The following SRRM4 variants were observed in gnomAD, a reference collection of about 807,000 sequenced individuals.
SRRM4 encodes serine/arginine repetitive matrix 4, also known as serine/arginine repetitive matrix protein 4.
SRRM4 carries 33 observed loss-of-function variants against 68.9 expected under a neutral mutation model. The observed-to-expected ratio is 0.48, with a 90% confidence interval of 0.36 to 0.64. The LOEUF (loss-of-function observed/expected upper bound fraction) is 0.64, where lower values mean the gene tolerates loss of function less well. SRRM4 is among the 30% of genes least tolerant of loss of function. The pLI is 0.00. For synonymous variants in SRRM4, 318 were observed against 318.8 expected, an observed-to-expected ratio of 1.00 and a Z score of 0.03; for missense variants, 817 against 827.1, an observed-to-expected ratio of 0.99 and a Z score of 0.15.
rs1408465170 is a variant in SRRM4 at position 119,151,074 on chromosome 12, A to G, written c.1134A>G (p.Pro378=). Residue 378 remains proline, a synonymous_variant, in exon 10 of 13, where the codon CCA becomes CCG. Coordinates refer to ENST00000267260, the MANE Select transcript of SRRM4 (RefSeq NM_194286.4). The stretch of plus-strand genomic sequence containing the variant: ...AAGTGAAGAAGTCCAGTTTGGTCCC[A>G]TCCACAGCCCGGAGCTCACCCATGA... ...CAEVKKSSLV[P]STARSSPMKG... is the part of the protein sequence containing the mutation. The G allele has an allele frequency of 6.2e-7, 1 of 1,614,002 alleles. No homozygotes were observed. The highest frequency in any genetic ancestry group is 1.7e-5 in the Admixed American group (1 of 60,028).
chr12:119,130,290 A>AGATG (rs892396592), intron 7 of SRRM4, among the ~76,000 whole-genome samples: 10 of 143,776 alleles, frequency 7.0e-5, no homozygotes, highest in South Asian at 2.4e-4. Context: ...TTGCTTAGAC[A>AGATG]GATGGATGGA....
At chr12:119,144,438 G>A (rs1012991562) in intron 8 of SRRM4, 1 of 152,142 alleles carries the variant, frequency 6.6e-6, no homozygotes, top group African/African-American at 2.4e-5. Flanking sequence ...GTTTGAGGAT[G>A]TGCAGAAAGG....
chr12:119,119,451 G>C (rs561711416), intron 4 of SRRM4, among the ~76,000 whole-genome samples: 1 of 151,360 alleles, frequency 6.6e-6, no homozygotes, highest in South Asian at 2.1e-4. Flanking sequence ...CCAGAGCTTG[G>C]GGGAGTAGAC....
rs1050806395 is a variant in SRRM4 at position 119,159,439 on chromosome 12, C to G, written c.*2641C>G. The G allele has an allele frequency of 6.6e-6, 1 of 152,192 alleles. No homozygotes were observed. The highest frequency in any genetic ancestry group is 1.5e-5 in the Non-Finnish European group (1 of 68,048). 9.4% of individuals were successfully genotyped at this position (152,192 alleles called of 1,614,324 possible). Reference sequence around the variant, plus strand: ...AGGCACCAGATTGGAGACAGATGTGCTATCTCCTAACAGAGTGATGAGGCT... The same window carrying G: ...AGGCACCAGATTGGAGACAGATGTGGTATCTCCTAACAGAGTGATGAGGCT... On this transcript the variant is annotated 3_prime_UTR_variant, in exon 13 of 13. Coordinates refer to ENST00000267260, the MANE Select transcript of SRRM4 (RefSeq NM_194286.4).
At chr12:119,077,351 C>A (rs1351049335) in intron 1 of SRRM4, among the ~76,000 whole-genome samples, 1 of 152,158 alleles carries the variant, frequency 6.6e-6, no homozygotes, top group Non-Finnish European at 1.5e-5. Flanking sequence ...CCATGGGCCA[C>A]ACTGAGAAAT....
rs1328244704 is a variant in SRRM4 at position 119,073,356 on chromosome 12, T to C, written c.132-28880T>C. Among the ~76,000 whole-genome samples, 5 of 146,756 alleles carry C rather than the reference T, an allele frequency of 3.4e-5. No homozygotes were observed. The Admixed American group carries it at 3.6e-4, about 10-fold the overall frequency. ...TTGTTTGTTTGAGAAGGAGTCTCACTCTGTTGCCCAGGCTGGAGTGCAGTG... is the reference window on the plus strand; with the variant it reads ...TTGTTTGTTTGAGAAGGAGTCTCACCCTGTTGCCCAGGCTGGAGTGCAGTG... On this transcript the variant is annotated intron_variant, in intron 1 of 12. Transcript: ENST00000267260.
At chr12:119,111,779 C>T (rs1176387947) in intron 2 of SRRM4, among the ~76,000 whole-genome samples, 1 of 152,236 alleles carries the variant, frequency 6.6e-6, no homozygotes, top group Non-Finnish European at 1.5e-5. Context: ...CACCATGGCT[C>T]ATGCCTGTAA....
chr12:119,162,573 G>T lies in SRRM4; in HGVS notation c.*5775G>T, dbSNP rs1954521745. 1 of 152,198 alleles carries T rather than the reference G, an allele frequency of 6.6e-6. No homozygotes were observed. The highest frequency in any genetic ancestry group is 1.5e-5 in the Non-Finnish European group (1 of 68,052). The allele number at this position is 152,198 out of a possible 1,614,324, so 9.4% of individuals were successfully genotyped here. A position where few individuals can be genotyped will look rare whatever the true frequency, so the allele number is the denominator to read the frequency against. ...AGCTCCCTTGAGCTCAGATCAGCTT[G>T]ACTCAATGTCCAACATTCCCTTGGT... On this transcript the variant is annotated 3_prime_UTR_variant, in exon 13 of 13. Transcript: ENST00000267260.
At chr12:119,083,248 G>A (rs533923093) in intron 1 of SRRM4, among the ~76,000 whole-genome samples, 8 of 151,994 alleles carry the variant, frequency 5.3e-5, no homozygotes, top group Admixed American at 1.3e-4. Context: ...TGGGACCTGC[G>A]ACTCCTTACC....
At position 119,153,556 on chromosome 12, in the gene SRRM4, C is replaced by T; in HGVS notation, c.1298C>T (p.Pro433Leu). 6.4e-7 allele frequency: 1 copy of T among 1,572,678 alleles called. No individual in the cohort carries two copies. Among genetic ancestry groups the T allele is most frequent in the South Asian group, 1.2e-5 (1 of 85,128 alleles). Residue 433 changes from proline (P) to leucine (L), a missense_variant, in exon 11 of 13, where the codon CCC becomes CTC. By Grantham distance (98) the Pro-to-Leu change is moderately conservative. Transcript: ENST00000267260. ...TCCCCCAGGTCCTACTCCCGCTCTC[C>T]CAGCTATTCCTCCAAGTCTGGCAAG... Reference protein sequence around the residue: ...SSEKRSYSRSPSYSSKSGKRS... With the variant: ...SSEKRSYSRSLSYSSKSGKRS...
At chr12:119,023,986 TTC>T (rs1953531834) in intron 1 of SRRM4, among the ~76,000 whole-genome samples, 1 of 150,490 alleles carries the variant, frequency 6.6e-6, no homozygotes, top group Non-Finnish European at 1.5e-5. Flanking sequence ...CTTCCTGTAA[TTC>T]TCTCTCATTG....
In SRRM4 at chr12:119,081,272, G is replaced by A. The variant is rs139292073; in HGVS notation, c.132-20964G>A. Among the ~76,000 whole-genome samples the A allele has an allele frequency of 4.7e-4, 72 of 152,330 alleles. 1 individual carries two copies. The East Asian group carries it at 8.7e-3, about 18-fold the overall frequency. On this transcript the variant is annotated intron_variant, in intron 1 of 12. Transcript: ENST00000267260. ...CAGGAGGAGAGAAACATACATTGGG[G>A]AGGGAGTACCATTTTAAATCACGTT...
chr12:119,009,364 GGTTC>G (rs1953435369), intron 1 of SRRM4, among the ~76,000 whole-genome samples: 1 of 151,652 alleles, frequency 6.6e-6, no homozygotes, highest in East Asian at 1.9e-4. Flanking sequence ...AGATGGTAGA[GGTTC>G]ACCTCTGCTC....
chr12:119,060,807 A>G (rs545448700), intron 1 of SRRM4, among the ~76,000 whole-genome samples: 34 of 152,192 alleles, frequency 2.2e-4, no homozygotes, highest in African/African-American at 7.2e-4. Flanking sequence ...AGCTTCTGGG[A>G]TGAGATCAGC....
chr12:118,999,584 T>C (rs1024536793), intron 1 of SRRM4, among the ~76,000 whole-genome samples: 2 of 152,224 alleles, frequency 1.3e-5, no homozygotes, highest in Admixed American at 1.3e-4. Context: ...ATGAAACAAC[T>C]AAAACTAACA....
At chr12:119,047,528 C>T (rs1049761761) in intron 1 of SRRM4, among the ~76,000 whole-genome samples, 5 of 152,178 alleles carry the variant, frequency 3.3e-5, no homozygotes, top group Admixed American at 3.3e-4. Flanking sequence ...TTGAATCATT[C>T]TTATCCCTTT....
At chr12:118,995,200 T>C (rs1257528930) in intron 1 of SRRM4, among the ~76,000 whole-genome samples, 2 of 152,236 alleles carry the variant, frequency 1.3e-5, no homozygotes, top group Non-Finnish European at 2.9e-5. Context: ...GCTCAACTGC[T>C]TTTTGAGGTA....
At chr12:119,026,793 TC>T (rs1953551632) in intron 1 of SRRM4, among the ~76,000 whole-genome samples, 1 of 152,038 alleles carries the variant, frequency 6.6e-6, no homozygotes, top group Admixed American at 6.6e-5. Context: ...CACCTCAGCC[TC>T]CCAAAGTGCT....
chr12:119,015,394 A>G (rs923520421), intron 1 of SRRM4, among the ~76,000 whole-genome samples: 1 of 152,158 alleles, frequency 6.6e-6, no homozygotes, highest in African/African-American at 2.4e-5. Flanking sequence ...GCTGCATGCA[A>G]TAGCTACAGT....
Sources: allele counts gnomAD v4.1 joint callset (sites outside exome capture counted in the v4.1 genomes callset), GRCh38; gene constraint gnomAD v4.1.1; transcripts MANE v1.5; gene names NCBI Gene and HGNC (gene_info 2026-07-23, HGNC 2026-07-21).